Variants in RTN4 observed in about 807,000 individuals in gnomAD.
The protein encoded by RTN4 is reticulon 4.
A neutral mutation model predicts 90.4 loss-of-function variants in RTN4; 32 were observed. That is an observed-to-expected ratio of 0.35 (90% CI 0.27 to 0.48). RTN4 has a LOEUF of 0.48. Ranked by LOEUF, RTN4 falls within the 20% of genes least tolerant of loss-of-function variation. The probability of loss-of-function intolerance (pLI) is 0.99; values close to 1 mark genes in which losing one functional copy is unlikely to be tolerated. For synonymous variants in RTN4, 629 were observed against 552.5 expected, an observed-to-expected ratio of 1.14 and a Z score of -1.94; for missense variants, 1,706 against 1,430.2, an observed-to-expected ratio of 1.19 and a Z score of -3.11.
chr2:55,100,496 ATC>A (rs1667833520), intron 1 of RTN4, among the ~76,000 whole-genome samples: 1 of 152,126 alleles, frequency 6.6e-6, no homozygotes, highest in African/African-American at 2.4e-5. Flanking sequence ...AGGAGTTAAG[ATC>A]TCAGCACTGC....
At chr2:54,973,930 A>C in intron 6 of RTN4, 63 bp from the exon 7 acceptor site, 5 of 1,408,166 alleles carry the variant, frequency 3.6e-6, no homozygotes, top group Non-Finnish European at 5.0e-6. Context: ...ATAAACACTC[A>C]AAAAACTATT....
chr2:55,026,905 A>G lies in RTN4; in HGVS notation c.1194T>C (p.Asp398=), dbSNP rs1681934626. ...KPFERVWEVK[D]SKEDSDMLAA... is the part of the protein sequence containing the mutation. ...CCAACATATCACTATCTTCCTTACT[A>G]TCTTTCACTTCCCATACTCGCTCAA... The change falls in exon 3 of 9, where the codon GAT becomes GAC. Residue 398 remains aspartate, a synonymous_variant. Transcript: ENST00000337526. 6.2e-7 allele frequency: 1 copy of G among 1,613,596 alleles called. No individual in the cohort carries two copies. Among genetic ancestry groups the G allele is most frequent in the Non-Finnish European group, 8.5e-7 (1 of 1,179,886 alleles).
chr2:55,060,005 A>C (rs768808835), intron 2 of RTN4, among the ~76,000 whole-genome samples: 48 of 152,078 alleles, frequency 3.2e-4, no homozygotes, highest in Non-Finnish European at 6.3e-4. Flanking sequence ...TAATGATGCA[A>C]ACAAGGGGGA....
At chr2:55,032,085 A>G (rs1175887795) in intron 1 of RTN4, among the ~76,000 whole-genome samples, 1 of 151,838 alleles carries the variant, frequency 6.6e-6, no homozygotes, top group Middle Eastern at 3.2e-3. Context: ...TTGGATTCGC[A>G]CTTTTTTTTT....
chr2:54,994,537 G>A (rs373321012), intron 3 of RTN4, among the ~76,000 whole-genome samples: 8 of 152,106 alleles, frequency 5.3e-5, no homozygotes, highest in East Asian at 3.8e-4. Flanking sequence ...ACCCTTTCAA[G>A]ATAAAACATT....
Position 55,076,389 on chromosome 2 carries a change from C to CT in RTN4, c.-63+4099dup, listed in dbSNP as rs58070912. Among the ~76,000 whole-genome samples the CT allele has an allele frequency of 5.2e-3, 337 of 64,648 alleles. 31 individuals carry two copies. Among genetic ancestry groups the CT allele is most frequent in the African/African-American group, 0.018 (268 of 14,954 alleles). 42.4% of individuals were successfully genotyped at this position (64,648 alleles called of 152,430 possible). On this transcript the variant is annotated intron_variant, in intron 2 of 3. Transcript: ENST00000427710. ...TGTCCCCACCCAAATTTCTTTTGTT[C>CT]TTTTTTTTTTTTTTTTTTTTTTTTT...
chr2:55,123,713 A>G, the RTN4 span, among the ~76,000 whole-genome samples: 1 of 151,904 alleles, frequency 6.6e-6, no homozygotes, highest in Non-Finnish European at 1.5e-5. Context: ...GTAAGTTTAT[A>G]TTGTTACTCG....
chr2:54,987,793 A>G, intron 3 of RTN4, 95 bp from the exon 4 acceptor site: 2 of 969,420 alleles, frequency 2.1e-6, no homozygotes, highest in South Asian at 1.6e-5. Context: ...ACATAAAGTA[A>G]AATCAAACCT....
At chr2:55,082,450 G>A (rs975349025) in intron 1 of RTN4, among the ~76,000 whole-genome samples, 2 of 152,078 alleles carry the variant, frequency 1.3e-5, no homozygotes, top group African/African-American at 4.8e-5. Flanking sequence ...CCTGAAACAG[G>A]CCATCCCCAG....
chr2:55,093,036 A>G (rs905618020), intron 1 of RTN4, among the ~76,000 whole-genome samples: 3 of 152,142 alleles, frequency 2.0e-5, no homozygotes, highest in Non-Finnish European at 2.9e-5. Context: ...GTGTGTGTCT[A>G]TGTGTGTGTG....
intron 3 of RTN4, among the ~76,000 whole-genome samples, chr2:54,995,299 T>C (rs777510400): frequency 2.0e-5 from 3 of 151,544 alleles, no homozygotes; most frequent in Non-Finnish European, 4.4e-5. Context: ...AACACTGAAA[T>C]AAAGTAAGCT....
chr2:55,061,264 A>G (rs1008956207), intron 2 of RTN4, among the ~76,000 whole-genome samples: 1 of 152,022 alleles, frequency 6.6e-6, no homozygotes, highest in East Asian at 1.9e-4. Context: ...GGGTTTCACC[A>G]TGTTGGCCAG....
intron 2 of RTN4, among the ~76,000 whole-genome samples, chr2:55,072,529 C>A (rs1668535059): frequency 6.6e-6 from 1 of 152,140 alleles, no homozygotes; most frequent in Non-Finnish European, 1.5e-5. Flanking sequence ...GCACCCGGCC[C>A]AGTATTTATA....
intron 4 of RTN4, 99 bp from the exon 5 acceptor site, chr2:54,982,752 C>A: frequency 7.4e-7 from 1 of 1,358,232 alleles, no homozygotes; most frequent in Non-Finnish European, 1.0e-6. Flanking sequence ...AGAAAATATT[C>A]TACTATAAAA....
chr2:55,103,962 T>A (rs1667898680), intron 1 of RTN4, among the ~76,000 whole-genome samples: 1 of 151,968 alleles, frequency 6.6e-6, no homozygotes, highest in African/African-American at 2.4e-5. Flanking sequence ...CCCGAAGTGC[T>A]GCAATTACAG....
At chr2:54,994,353 G>A (rs909578260) in intron 3 of RTN4, among the ~76,000 whole-genome samples, 13 of 152,048 alleles carry the variant, frequency 8.5e-5, no homozygotes, top group African/African-American at 2.9e-4. Flanking sequence ...AAACTGGATC[G>A]AGCAACATAT....
the RTN4 span, among the ~76,000 whole-genome samples, chr2:55,132,862 T>C: frequency 6.7e-6 from 1 of 149,060 alleles, no homozygotes; most frequent in South Asian, 2.1e-4. Context: ...CCGATCATTT[T>C]AGGAATTAGT....
Position 55,026,747 on chromosome 2 carries a change from G to A in RTN4, c.1352C>T (p.Pro451Leu). ...TCCTGAACGATCCTTTATACCTTCT[G>A]GCGTACTGGGGAAAGAAGTATCATC... ...SNDDTSFPST[P>L]EGIKDRSGAY... Residue 451 changes from proline to leucine, a missense_variant, in exon 3 of 9, where the codon CCA becomes CTA. Coordinates refer to ENST00000337526, the MANE Select transcript of RTN4 (RefSeq NM_020532.5). 1.2e-6 allele frequency: 2 copies of A among 1,613,836 alleles called. No individual in the cohort carries two copies. Among genetic ancestry groups the A allele is most frequent in the Non-Finnish European group, 1.7e-6 (2 of 1,179,868 alleles).
intron 1 of RTN4, among the ~76,000 whole-genome samples, chr2:55,107,861 G>T (rs1341701705): frequency 6.6e-6 from 1 of 152,090 alleles, no homozygotes; most frequent in African/African-American, 2.4e-5. Context: ...ATGTGGTATA[G>T]ATAAATATAC....
Sources: allele counts gnomAD v4.1 joint callset (sites outside exome capture counted in the v4.1 genomes callset), GRCh38; gene constraint gnomAD v4.1.1; transcripts MANE v1.5; gene names NCBI Gene and HGNC (gene_info 2026-07-23, HGNC 2026-07-21).